The following MAP2K4 variants were observed in gnomAD, a reference collection of about 807,000 sequenced individuals.
The protein encoded by MAP2K4 is dual specificity mitogen-activated protein kinase kinase 4.
Under a neutral mutation model 48.5 loss-of-function variants are expected in MAP2K4, and 4 were observed. That is an observed-to-expected ratio of 0.08 (90% CI 0.04 to 0.19). The LOEUF (loss-of-function observed/expected upper bound fraction) is 0.19, where lower values mean the gene tolerates loss of function less well. Among genes scored for constraint, MAP2K4 ranks in the 10% least tolerant of loss-of-function variants. The pLI is 1.00. For synonymous variants in MAP2K4, 166 were observed against 173.1 expected, an observed-to-expected ratio of 0.96 and a Z score of 0.32; for missense variants, 258 against 493.3, an observed-to-expected ratio of 0.52 and a Z score of 4.52.
intron 1 of MAP2K4, among the ~76,000 whole-genome samples, chr17:12,039,332 C>T (rs1969702708): frequency 6.6e-6 from 1 of 152,104 alleles, no homozygotes; most frequent in Admixed American, 6.5e-5. Context: ...TTTTATGCAT[C>T]CCCACCCCAC....
At chr17:12,064,259 A>T (rs959875653) in intron 2 of MAP2K4, among the ~76,000 whole-genome samples, 10 of 152,198 alleles carry the variant, frequency 6.6e-5, no homozygotes, top group Middle Eastern at 3.4e-3. Context: ...ATTTAAAAAA[A>T]TTTTTTGTAG....
chr17:12,042,730 G>A (rs6502175), intron 1 of MAP2K4, among the ~76,000 whole-genome samples: 20 of 152,046 alleles, frequency 1.3e-4, no homozygotes, highest in African/African-American at 4.1e-4. Context: ...AGGATGATGT[G>A]GACGTACACA....
intron 1 of MAP2K4, among the ~76,000 whole-genome samples, chr17:12,025,003 T>C (rs1969211814): frequency 6.6e-6 from 1 of 152,236 alleles, no homozygotes; most frequent in African/African-American, 2.4e-5. Flanking sequence ...CATATTCTGA[T>C]TAATAGAGCT....
At chr17:12,051,622 G>C (rs1419865992) in intron 1 of MAP2K4, among the ~76,000 whole-genome samples, 2 of 152,114 alleles carry the variant, frequency 1.3e-5, no homozygotes, top group Non-Finnish European at 2.9e-5. Flanking sequence ...TTTAAACCCT[G>C]TTGTACAAAT....
At chr17:12,132,163 AAAAC>A (rs1973048035) in intron 9 of MAP2K4, among the ~76,000 whole-genome samples, 1 of 152,230 alleles carries the variant, frequency 6.6e-6, no homozygotes, top group South Asian at 2.1e-4. Context: ...GTTCCTTTGA[AAAAC>A]AAGCAGTATC....
At chr17:12,051,837 A>G (rs764762485) in intron 1 of MAP2K4, among the ~76,000 whole-genome samples, 5 of 152,042 alleles carry the variant, frequency 3.3e-5, no homozygotes, top group Non-Finnish European at 5.9e-5. Flanking sequence ...GGACCCTTGA[A>G]AAAGAAGTAA....
chr17:12,131,806 T>C (rs1025764636), intron 9 of MAP2K4, among the ~76,000 whole-genome samples: 1 of 151,978 alleles, frequency 6.6e-6, no homozygotes, highest in Non-Finnish European at 1.5e-5. Context: ...AGCCACACAG[T>C]AGAAGGAGAT....
intron 1 of MAP2K4, among the ~76,000 whole-genome samples, chr17:12,028,804 C>G (rs1969339996): frequency 6.6e-6 from 1 of 152,166 alleles, no homozygotes; most frequent in Non-Finnish European, 1.5e-5. Flanking sequence ...GCCCCACACC[C>G]TCTCTGATTT....
intron 1 of MAP2K4, among the ~76,000 whole-genome samples, chr17:12,051,707 A>C (rs1010289550): frequency 2.0e-5 from 3 of 152,176 alleles, no homozygotes; most frequent in African/African-American, 7.2e-5. Flanking sequence ...CTCCCTGTGA[A>C]AGTTGTTTCA....
chr17:12,033,956 A>G (rs1969516225), intron 1 of MAP2K4, among the ~76,000 whole-genome samples: 1 of 152,054 alleles, frequency 6.6e-6, no homozygotes, highest in African/African-American at 2.4e-5. Flanking sequence ...CACCCAGCTC[A>G]TTTTAAAATT....
intron 9 of MAP2K4, among the ~76,000 whole-genome samples, chr17:12,131,306 T>G (rs549659635): frequency 2.0e-5 from 3 of 151,402 alleles, no homozygotes; most frequent in African/African-American, 7.3e-5. Context: ...AGTGTAATGA[T>G]GTGGTCGCAG....
In MAP2K4 at chr17:12,027,312, C is replaced by T. The variant is rs187673464; in HGVS notation, c.115+6311C>T. Among the ~76,000 whole-genome samples, 26 of 152,250 alleles carry T rather than the reference C, an allele frequency of 1.7e-4. No homozygotes were observed. In the East Asian group the frequency reaches 4.4e-3, roughly 26 times the overall value. ...ATGAAGAAAACAATTACATTGTATG[C>T]AGCTTGGTTCTTTAAGAACAACACA... On this transcript the variant is annotated intron_variant, in intron 1 of 10. Transcript: ENST00000353533.
intron 4 of MAP2K4, among the ~76,000 whole-genome samples, chr17:12,099,411 G>A (rs1213889339): frequency 1.3e-5 from 2 of 152,160 alleles, no homozygotes; most frequent in Non-Finnish European, 2.9e-5. Context: ...ATACCCAGTA[G>A]TAGGATTGCT....
intron 4 of MAP2K4, among the ~76,000 whole-genome samples, chr17:12,097,592 A>G (rs1971800047): frequency 6.6e-6 from 1 of 152,236 alleles, no homozygotes. Flanking sequence ...AGAAAGGTTG[A>G]AGGGAGTTGA....
chr17:12,105,257 T>G (rs973851054), intron 4 of MAP2K4, among the ~76,000 whole-genome samples: 1 of 152,148 alleles, frequency 6.6e-6, no homozygotes, highest in Non-Finnish European at 1.5e-5. Flanking sequence ...TTTGGGAGAA[T>G]TTGACGTGCT....
At chr17:12,027,377 C>T (rs908422439) in intron 1 of MAP2K4, among the ~76,000 whole-genome samples, 1 of 152,074 alleles carries the variant, frequency 6.6e-6, no homozygotes, top group Non-Finnish European at 1.5e-5. Context: ...AAATGGACAT[C>T]ACAGCAGCTT....
At chr17:12,114,761 C>T (rs1972430693) in intron 7 of MAP2K4, among the ~76,000 whole-genome samples, 1 of 152,046 alleles carries the variant, frequency 6.6e-6, no homozygotes, top group South Asian at 2.1e-4. Flanking sequence ...CAATTGCAGC[C>T]CAGATAAAGT....
intron 2 of MAP2K4, among the ~76,000 whole-genome samples, chr17:12,070,227 A>G (rs1386126791): frequency 6.6e-6 from 1 of 151,904 alleles, no homozygotes; most frequent in Non-Finnish European, 1.5e-5. Flanking sequence ...TTGAAGGAAA[A>G]TAGTAGACAT....
At chr17:12,095,502 T>C (rs1204752007) in intron 3 of MAP2K4, 73 bp from the exon 4 acceptor site, 41 of 1,558,828 alleles carry the variant, frequency 2.6e-5, no homozygotes, top group Non-Finnish European at 3.6e-5. Flanking sequence ...TTCTCTACCA[T>C]GAGACTAAAA....
Sources: allele counts gnomAD v4.1 joint callset (sites outside exome capture counted in the v4.1 genomes callset), GRCh38; gene constraint gnomAD v4.1.1; transcripts MANE v1.5; gene names NCBI Gene and HGNC (gene_info 2026-07-23, HGNC 2026-07-21).